ELP6: variants seen among roughly 807,000 people sequenced by gnomAD.
ELP6 encodes elongator complex protein 6.
ELP6 carries 23 observed loss-of-function variants against 28.1 expected under a neutral mutation model. That is an observed-to-expected ratio of 0.82 (90% CI 0.59 to 1.16). ELP6 has a LOEUF of 1.16. ELP6 is among the 50% of genes most tolerant of loss of function. The probability of loss-of-function intolerance (pLI) is 0.00; values close to 1 mark genes in which losing one functional copy is unlikely to be tolerated. For missense variants in ELP6, 313 were observed against 334.6 expected, an observed-to-expected ratio of 0.94 and a Z score of 0.50; for synonymous variants, 132 against 135.8, an observed-to-expected ratio of 0.97 and a Z score of 0.19.
Position 47,501,811 on chromosome 3 carries a change from CA to C in ELP6, c.363del (p.Phe121LeufsTer6). Reference sequence around the variant, plus strand: ...TCTACTGGCTTCAGGGCCTCCCGTACAAACTCAAACAATGGTTTCAAGTTCC... The same window carrying C: ...TCTACTGGCTTCAGGGCCTCCCGTACAACTCAAACAATGGTTTCAAGTTCC... ...NAGNLKPLFE[F>X]VREALKPVDS... On this transcript the variant is annotated frameshift_variant, in exon 5 of 7. Coordinates refer to ENST00000296149, the MANE Select transcript of ELP6 (RefSeq NM_001031703.3). LOFTEE classifies it high-confidence loss of function. 1 of 1,614,030 alleles carries C rather than the reference CA, an allele frequency of 6.2e-7. No homozygotes were observed. Among genetic ancestry groups the C allele is most frequent in the Non-Finnish European group, 8.5e-7 (1 of 1,180,004 alleles).
chr3:47,499,496 G>A (rs374955104), intron 5 of ELP6, among the ~76,000 whole-genome samples: 28 of 135,076 alleles, frequency 2.1e-4, no homozygotes, highest in East Asian at 2.0e-3. Flanking sequence ...TCCAGCCTGG[G>A]CAAAAGAGCA....
At chr3:47,498,211 C>A (rs1489338733) in intron 6 of ELP6, 75 bp downstream of exon 6, 1 of 1,571,432 alleles carries the variant, frequency 6.4e-7, no homozygotes, top group Non-Finnish European at 8.6e-7. Flanking sequence ...TCCCTCAGGC[C>A]TGACTCTCCC....
chr3:47,507,115 C>A (rs553885018), intron 3 of ELP6, among the ~76,000 whole-genome samples: 4 of 152,300 alleles, frequency 2.6e-5, no homozygotes, highest in African/African-American at 9.6e-5. Context: ...ATAATCCCAG[C>A]ACTTTGGGAG....
At chr3:47,499,348 C>T (rs1708571264) in intron 5 of ELP6, among the ~76,000 whole-genome samples, 1 of 151,998 alleles carries the variant, frequency 6.6e-6, no homozygotes, top group African/African-American at 2.4e-5. Context: ...GAAACCCCGT[C>T]TCTACTAAAA....
chr3:47,506,016 T>C (rs1319975116), intron 3 of ELP6, among the ~76,000 whole-genome samples: 1 of 152,154 alleles, frequency 6.6e-6, no homozygotes, highest in Non-Finnish European at 1.5e-5. Context: ...CCCTAAGCGT[T>C]GGCCGGCTTG....
rs528064407 is a variant in ELP6 at position 47,510,023 on chromosome 3, G to C, written c.204+161C>G. On this transcript the variant is annotated intron_variant, in intron 3 of 6. Transcript: ENST00000296149. Reference sequence around the variant, plus strand: ...GATCTGCCCATCTTGGCCTCCCAAAGTGCTGGGATTACAGGCGTGAGCCAC... The same window carrying C: ...GATCTGCCCATCTTGGCCTCCCAAACTGCTGGGATTACAGGCGTGAGCCAC... The C allele has an allele frequency of 2.6e-5, 15 of 572,762 alleles. No homozygotes were observed. The Admixed American group carries it at 4.6e-4, about 17-fold the overall frequency. 35.5% of individuals were successfully genotyped at this position (572,762 alleles called of 1,614,324 possible).
intron 4 of ELP6, chr3:47,503,565 G>A (rs1708731245): frequency 1.9e-6 from 1 of 518,194 alleles, no homozygotes; most frequent in Non-Finnish European, 3.0e-6. Context: ...AAATGAACGT[G>A]GCTGTATTCC....
chr3:47,510,274 T>C lies in ELP6; in HGVS notation c.134-20A>G, dbSNP rs1013937783. ...AATTAGCTAGAAAACAAAACAATTA[T>C]TTTAAATAAATCCTCTGGTTACAAC... is the stretch of plus-strand genomic sequence containing the variant. On this transcript the variant is annotated intron_variant, in intron 2 of 6. Coordinates refer to ENST00000296149, the MANE Select transcript of ELP6 (RefSeq NM_001031703.3). The C allele has an allele frequency of 6.2e-7, 1 of 1,604,534 alleles. No homozygotes were observed.
intron 4 of ELP6, 147 bp from the exon 5 acceptor site, chr3:47,501,998 G>A: frequency 1.4e-6 from 1 of 736,196 alleles, no homozygotes; most frequent in South Asian, 1.8e-5. Flanking sequence ...TGGTTAGAAA[G>A]AAAAGGCATG....
chr3:47,505,899 G>C (rs893834413), intron 3 of ELP6, among the ~76,000 whole-genome samples: 1 of 152,100 alleles, frequency 6.6e-6, no homozygotes, highest in African/African-American at 2.4e-5. Flanking sequence ...GTAGAAACAG[G>C]GTTTCACCAT....
chr3:47,511,654 G>T, intron 1 of ELP6: 1 of 570,618 alleles, frequency 1.8e-6, no homozygotes, highest in Non-Finnish European at 2.3e-6. Context: ...TTTATATTCT[G>T]ATGCCAATTC....
intron 4 of ELP6, chr3:47,502,594 G>T (rs1019723420): frequency 1.0e-5 from 10 of 963,490 alleles, no homozygotes; most frequent in Non-Finnish European, 1.2e-5. Flanking sequence ...CAGCACTTTG[G>T]GGGGCCAGCG....
intron 5 of ELP6, 146 bp downstream of exon 5, chr3:47,501,502 CAG>C: frequency 1.4e-6 from 1 of 715,824 alleles, no homozygotes; most frequent in South Asian, 1.9e-5. Flanking sequence ...TAAGGGAAAA[CAG>C]GGTGGCTGCA....
In ELP6 at chr3:47,496,154, C is replaced by T. The variant is rs980257726; in HGVS notation, c.716G>A (p.Arg239Gln). 17 of 1,614,002 alleles carry T rather than the reference C, an allele frequency of 1.1e-5. No individual in the cohort carries two copies. The highest frequency in any genetic ancestry group is 1.7e-5 in the Admixed American group (1 of 59,980). Residue 239 changes from arginine to glutamine, a missense_variant, in exon 7 of 7, where the codon CGG (arginine) becomes CAG (glutamine). Transcript: ENST00000296149. ...ATACTGGTAAGTGAAGCTCTGATCC[C>T]GGTGGACTGCGGGCTGCGATGGTCT... ...WRRPSQPAVH[R>Q]DQSFTYQYKI...
At chr3:47,511,336 T>A (rs1056301656) in intron 1 of ELP6, 110 bp from the exon 2 acceptor site, 2 of 1,461,454 alleles carry the variant, frequency 1.4e-6, no homozygotes, top group Non-Finnish European at 9.1e-7. Flanking sequence ...CTGAAGAGTT[T>A]ATTTTTTTAA....
At position 47,511,454 on chromosome 3, in the gene ELP6, C is replaced by G. The variant is rs903435117; in HGVS notation, c.55-228G>C. 12 of 1,345,346 alleles carry G rather than the reference C, an allele frequency of 8.9e-6. No individual in the cohort carries two copies. In the Admixed American group the frequency reaches 1.0e-4, roughly 12 times the overall value. The allele number at this position is 1,345,346 out of a possible 1,614,324, so 83.3% of individuals were successfully genotyped here. A position where few individuals can be genotyped will look rare whatever the true frequency, so the allele number is the denominator to read the frequency against. ...TTACTCATGATAGGCAAGCATATCT[C>G]AGCCTCCACCTCCTCAAAGCAAACA... On this transcript the variant is annotated intron_variant, in intron 1 of 6. Coordinates refer to ENST00000296149, the MANE Select transcript of ELP6 (RefSeq NM_001031703.3).
chr3:47,504,666 G>T, intron 3 of ELP6: 2 of 985,350 alleles, frequency 2.0e-6, no homozygotes, highest in Non-Finnish European at 2.4e-6. Context: ...TACATTAAAA[G>T]AAAAACTAGC....
rs150166753 is a variant in ELP6, at chr3:47,504,433, T to C, written c.220A>G (p.Met74Val). ...ACAAGCTGCCCACGCTCCCGCGCCA[T>C]GGTCAGGCTGACACCCTAAACATGA... is the stretch of plus-strand genomic sequence containing the variant. Reference protein sequence around the residue: ...VGQKLGVSLTMARERGQLVFL... With the variant: ...VGQKLGVSLTVARERGQLVFL... Residue 74 changes from methionine to valine, a missense_variant, in exon 4 of 7, where the codon ATG (methionine) becomes GTG (valine). Physicochemically the swap from Met to Val is conservative, Grantham distance 21. Transcript: ENST00000296149. The C allele has an allele frequency of 9.1e-5, 147 of 1,608,102 alleles. No homozygotes were observed. The highest frequency in any genetic ancestry group is 3.0e-4 in the Admixed American group (18 of 59,408).
At chr3:47,500,129 A>T (rs1708604971) in intron 5 of ELP6, 1 of 1,170,770 alleles carries the variant, frequency 8.5e-7, no homozygotes, top group African/African-American at 1.6e-5. Context: ...ATTAAATTAT[A>T]AATCAGGACC....
Sources: allele counts gnomAD v4.1 joint callset (sites outside exome capture counted in the v4.1 genomes callset), GRCh38; gene constraint gnomAD v4.1.1; transcripts MANE v1.5; gene names NCBI Gene and HGNC (gene_info 2026-07-23, HGNC 2026-07-21).